Variants in PRDM11 observed in about 807,000 individuals in gnomAD.
PRDM11 encodes the protein PR/SET domain 11, also known as PR domain-containing protein 11.
In PRDM11, 20 loss-of-function variants were observed where a neutral mutation model predicts 97.8. That is an observed-to-expected ratio of 0.20 (90% confidence interval 0.14 to 0.30). The LOEUF (loss-of-function observed/expected upper bound fraction) is 0.30. Ranked by LOEUF, PRDM11 falls within the 10% of genes least tolerant of loss-of-function variation. The pLI, the probability that PRDM11 is intolerant of heterozygous loss-of-function variation, is 1.00. For synonymous variants in PRDM11, 599 were observed against 637.7 expected (o/e 0.94, Z 0.91); for missense variants, 1,139 against 1,555.2 (o/e 0.73, Z 4.50).
chr11:45,150,779 T>C (rs1038988859), intron 1 of PRDM11, among the ~76,000 whole-genome samples: 2 of 152,126 alleles, frequency 1.3e-5, no homozygotes, highest in East Asian at 1.9e-4. Context: ...CTGGGGAAGA[T>C]GAAGAGGAAG....
chr11:45,098,106 A>C (rs776173354), intron 1 of PRDM11, among the ~76,000 whole-genome samples: 1 of 152,080 alleles, frequency 6.6e-6, no homozygotes, highest in Non-Finnish European at 1.5e-5. Flanking sequence ...CCCTAGCGGC[A>C]CCTTCAGGGA....
chr11:45,158,457 G>A (rs569003808), intron 1 of PRDM11, among the ~76,000 whole-genome samples: 1 of 152,344 alleles, frequency 6.6e-6, no homozygotes, highest in East Asian at 1.9e-4. Flanking sequence ...CAGCTGCCTG[G>A]GGTCCTACAG....
rs1424729430 is a variant in PRDM11, at chr11:45,149,526, G to A, written c.-7+2649G>A. On this transcript the variant is annotated intron_variant, in intron 1 of 7. Transcript: ENST00000683152. Reference sequence around the variant, plus strand: ...TAGTGCTTTCCTCTTACTATTTCCGGTTCTTCCATTTCCACAGTAGGTTGA... The same window carrying A: ...TAGTGCTTTCCTCTTACTATTTCCGATTCTTCCATTTCCACAGTAGGTTGA... Among the ~76,000 whole-genome samples the A allele has an allele frequency of 2.0e-5, 3 of 152,194 alleles. No homozygotes were observed. In the East Asian group the frequency reaches 5.8e-4, roughly 29 times the overall value.
intron 1 of PRDM11, among the ~76,000 whole-genome samples, chr11:45,172,300 T>A (rs901455132): frequency 1.3e-5 from 2 of 152,006 alleles, no homozygotes; most frequent in East Asian, 3.9e-4. Context: ...CCTTCAAGAG[T>A]CTTCACAGAG....
intron 1 of PRDM11, among the ~76,000 whole-genome samples, chr11:45,178,834 AGGCACTGTTAC>A (rs1852396327): frequency 1.3e-5 from 2 of 152,342 alleles, no homozygotes; most frequent in South Asian, 4.1e-4. Flanking sequence ...CCCTGGTGCC[AGGCACTGTTAC>A]AGGTGCTGGC....
intron 1 of PRDM11, among the ~76,000 whole-genome samples, chr11:45,115,182 ATAAAAT>A (rs1363555820): frequency 1.3e-5 from 2 of 151,978 alleles, no homozygotes; most frequent in Admixed American, 1.3e-4. Flanking sequence ...TATATATAAA[ATAAAAT>A]TAACACAAAG....
intron 5 of PRDM11, among the ~76,000 whole-genome samples, chr11:45,208,500 A>C (rs1291285585): frequency 6.6e-6 from 1 of 152,228 alleles, no homozygotes; most frequent in Non-Finnish European, 1.5e-5. Context: ...AGCCCCTTAC[A>C]TCATGATGTG....
chr11:45,163,903 C>T (rs1206750460), intron 1 of PRDM11, among the ~76,000 whole-genome samples: 4 of 152,162 alleles, frequency 2.6e-5, no homozygotes, highest in Admixed American at 1.3e-4. Flanking sequence ...AAGCACATGA[C>T]GGTGTGGTGG....
chr11:45,151,200 C>T lies in PRDM11; in HGVS notation c.-7+4323C>T, dbSNP rs1851651641. 2.6e-5 allele frequency among the ~76,000 whole-genome samples: 4 copies of T among 152,170 alleles called. No individual in the cohort carries two copies. The South Asian group carries it at 8.3e-4, about 32-fold the overall frequency. ...GGTGCCAGGGCTGGTCTAAAACTGC[C>T]TGGTGCATCTCTACCTCCTGCTGGA... On this transcript the variant is annotated intron_variant, in intron 1 of 7. Coordinates refer to ENST00000683152, the MANE Select transcript of PRDM11 (RefSeq NM_001384648.1).
intron 5 of PRDM11, chr11:45,213,236 C>T (rs1254815359): frequency 2.2e-6 from 1 of 456,570 alleles, no homozygotes; most frequent in African/African-American, 2.0e-5. Flanking sequence ...GCACCCTCAT[C>T]TTTGGCGGAT....
chr11:45,108,917 C>G (rs1168549850), intron 1 of PRDM11, among the ~76,000 whole-genome samples: 2 of 152,254 alleles, frequency 1.3e-5, no homozygotes, highest in African/African-American at 4.8e-5. Context: ...AAAAAATACA[C>G]GCAGATTCTG....
Position 45,174,100 on chromosome 11 carries a change from G to T in PRDM11, c.-6-7661G>T, listed in dbSNP as rs73466406. Among the ~76,000 whole-genome samples, 310 of 151,934 alleles carry T rather than the reference G, an allele frequency of 2.0e-3. 4 individuals are homozygous for T. Among genetic ancestry groups the T allele is most frequent in the African/African-American group, 7.2e-3 (298 of 41,426 alleles). On this transcript the variant is annotated intron_variant, in intron 1 of 7. Transcript: ENST00000683152. Reference sequence around the variant, plus strand: ...CTAACACCATAGTTGTGGCTGGTTGGTTTTTTTTGGTAACTCTATTTAAAT... The same window carrying T: ...CTAACACCATAGTTGTGGCTGGTTGTTTTTTTTTGGTAACTCTATTTAAAT...
chr11:45,219,741 C>T lies in PRDM11; in HGVS notation c.726C>T (p.His242=), dbSNP rs1209056962. 6.2e-7 allele frequency: 1 copy of T among 1,613,684 alleles called. No individual in the cohort carries two copies. Among genetic ancestry groups the T allele is most frequent in the Non-Finnish European group, 8.5e-7 (1 of 1,179,890 alleles). Residue 242 remains histidine (H), a synonymous_variant, in exon 6 of 8, where the codon CAC becomes CAT. Coordinates refer to ENST00000683152, the MANE Select transcript of PRDM11 (RefSeq NM_001384648.1). This position sits in a 1 kb window ranked among gnomAD's most constrained non-coding sequence, Gnocchi z 4.2. The part of the protein sequence containing the change: ...RLHSMSQETI[H]RNLARGEKRL... ...ACAGCATGTCCCAGGAAACCATTCA[C>T]CGCAACCTGGCCAGAGGTGAGTGCC...
chr11:45,110,016 T>G (rs917496990), intron 1 of PRDM11, among the ~76,000 whole-genome samples: 15 of 152,192 alleles, frequency 9.9e-5, no homozygotes, highest in Non-Finnish European at 1.3e-4. Flanking sequence ...GACGTGGTTA[T>G]CAGCCCTCTA....
chr11:45,137,173 A>G (rs745786898), intron 1 of PRDM11, among the ~76,000 whole-genome samples: 36 of 148,172 alleles, frequency 2.4e-4, no homozygotes, highest in Non-Finnish European at 1.3e-4. Context: ...AAAAACAAAC[A>G]AACAAACAAA....
chr11:45,159,213 C>T (rs893913473), intron 1 of PRDM11, among the ~76,000 whole-genome samples: 3 of 152,254 alleles, frequency 2.0e-5, no homozygotes, highest in African/African-American at 4.8e-5. Context: ...GACTCACTCT[C>T]ATTTCTTCCT....
In PRDM11 at chr11:45,227,064, T is replaced by C; in HGVS notation, c.2439T>C (p.Cys813=). 6.5e-7 allele frequency: 1 copy of C among 1,533,956 alleles called. No individual in the cohort carries two copies. The highest frequency in any genetic ancestry group is 8.7e-7 in the Non-Finnish European group (1 of 1,146,726). The change falls in exon 8 of 8, where the codon TGT becomes TGC. Residue 813 remains cysteine, a synonymous_variant. Transcript: ENST00000683152. The surrounding 1 kb of genome is among the most constrained non-coding windows in gnomAD (Gnocchi z 8.0). ...CELRSTAATL[C]EETEFLGDIR... is the part of the protein sequence containing the mutation. ...TGCGGTCCACGGCGGCCACCCTTTG[T>C]GAGGAGACAGAGTTCCTGGGCGATA...
intron 4 of PRDM11, among the ~76,000 whole-genome samples, chr11:45,203,990 G>T (rs903726926): frequency 2.6e-5 from 4 of 152,192 alleles, no homozygotes; most frequent in African/African-American, 9.7e-5. Context: ...TAGCAAAACT[G>T]CAGAAAATCA....
chr11:45,176,559 C>T (rs1332321348), intron 1 of PRDM11, among the ~76,000 whole-genome samples: 2 of 152,100 alleles, frequency 1.3e-5, no homozygotes, highest in African/African-American at 2.4e-5. Context: ...ACCAGGTAGG[C>T]GTGGTTAATG....
Sources: allele counts gnomAD v4.1 joint callset (sites outside exome capture counted in the v4.1 genomes callset), GRCh38; gene constraint gnomAD v4.1.1; non-coding constraint Gnocchi (gnomAD v3.1); transcripts MANE v1.5; gene names NCBI Gene and HGNC (gene_info 2026-07-23, HGNC 2026-07-21).